ELMO1: variants seen among roughly 807,000 people sequenced by gnomAD.
The protein encoded by ELMO1 is engulfment and cell motility 1.
ELMO1 carries 26 observed loss-of-function variants against 98.9 expected under a neutral mutation model. That is an observed-to-expected ratio of 0.26 (90% CI 0.19 to 0.36). The LOEUF is 0.36. Among genes scored for constraint, ELMO1 ranks in the 10% least tolerant of loss-of-function variants. The pLI is 1.00. For synonymous variants in ELMO1, 346 were observed against 346.0 expected, an observed-to-expected ratio of 1.00 and a Z score of 0.00; for missense variants, 627 against 935.2, an observed-to-expected ratio of 0.67 and a Z score of 4.30.
intron 16 of ELMO1, among the ~76,000 whole-genome samples, chr7:36,920,451 T>G (rs1245156318): frequency 6.6e-6 from 1 of 152,206 alleles, no homozygotes; most frequent in Non-Finnish European, 1.5e-5. Context: ...TGCCACAATG[T>G]CCAAAACTAG....
chr7:37,404,629 C>T (rs1260372525), intron 1 of ELMO1, among the ~76,000 whole-genome samples: 1 of 152,170 alleles, frequency 6.6e-6, no homozygotes, highest in Non-Finnish European at 1.5e-5. Context: ...ACCCCATCTG[C>T]GAGGCCCAGA....
At chr7:36,879,934 G>A (rs1339776254) in intron 18 of ELMO1, among the ~76,000 whole-genome samples, 1 of 152,218 alleles carries the variant, frequency 6.6e-6, no homozygotes, top group Admixed American at 6.5e-5. Flanking sequence ...CATGAGGAGA[G>A]CAACCTTGGG....
At chr7:37,250,462 T>C (rs189267954) in intron 6 of ELMO1, among the ~76,000 whole-genome samples, 5 of 152,322 alleles carry the variant, frequency 3.3e-5, no homozygotes, top group African/African-American at 1.2e-4. Context: ...TATTTTTTCC[T>C]TCTGCTTTTT....
At chr7:36,888,239 A>G (rs1255319025) in intron 17 of ELMO1, among the ~76,000 whole-genome samples, 1 of 152,246 alleles carries the variant, frequency 6.6e-6, no homozygotes, top group African/African-American at 2.4e-5. Flanking sequence ...TAATGATGGG[A>G]AAAATGAAAG....
chr7:37,069,314 C>T (rs1032853685), intron 15 of ELMO1, among the ~76,000 whole-genome samples: 4 of 152,066 alleles, frequency 2.6e-5, no homozygotes, highest in African/African-American at 4.8e-5. Context: ...TAGATCTAAG[C>T]GATCTATTTA....
At chr7:36,899,192 T>C (rs1334561509) in intron 16 of ELMO1, among the ~76,000 whole-genome samples, 1 of 152,202 alleles carries the variant, frequency 6.6e-6, no homozygotes, top group Non-Finnish European at 1.5e-5. Context: ...ATGGCTTTGA[T>C]GGCTAAAATG....
intron 1 of ELMO1, among the ~76,000 whole-genome samples, chr7:37,424,211 C>T (rs1804611467): frequency 1.3e-5 from 2 of 152,214 alleles, no homozygotes; most frequent in Non-Finnish European, 2.9e-5. Flanking sequence ...AAGCCATATG[C>T]TTTGATCTTC....
chr7:37,057,972 CTAA>C (rs1474131413), intron 15 of ELMO1, among the ~76,000 whole-genome samples: 10 of 152,166 alleles, frequency 6.6e-5, no homozygotes. Context: ...GTTATTAACC[CTAA>C]AGAACTTGGC....
At chr7:37,418,888 G>A (rs1804348589) in intron 1 of ELMO1, among the ~76,000 whole-genome samples, 1 of 152,178 alleles carries the variant, frequency 6.6e-6, no homozygotes, top group African/African-American at 2.4e-5. Context: ...AGCTCTCAGG[G>A]TGCTGCAGAG....
chr7:36,903,899 G>C (rs1783772037), intron 16 of ELMO1, among the ~76,000 whole-genome samples: 1 of 152,188 alleles, frequency 6.6e-6, no homozygotes, highest in Non-Finnish European at 1.5e-5. Context: ...CTCTCACTGG[G>C]GACAGTCAGA....
At position 37,155,493 on chromosome 7, in the gene ELMO1, A is replaced by ATAAAAATAAAAAT. The variant is rs1303252280; in HGVS notation, c.1087-22260_1087-22259insATTTTTATTTTTA. Among the ~76,000 whole-genome samples the ATAAAAATAAAAAT allele has an allele frequency of 4.9e-5, 7 of 143,698 alleles. 1 individual carries two copies. 94.3% of individuals were successfully genotyped at this position (143,698 alleles called of 152,430 possible). ...GGAAGAAGCAAACGGAAAGCAAAAA[A>ATAAAAATAAAAAT]AAAAAAAAAAAAAAAGCAGGTGTTG... On this transcript the variant is annotated intron_variant, in intron 13 of 21. Coordinates refer to ENST00000310758, the MANE Select transcript of ELMO1 (RefSeq NM_014800.11).
At chr7:37,301,011 C>T (rs1002697910) in intron 4 of ELMO1, among the ~76,000 whole-genome samples, 3 of 151,616 alleles carry the variant, frequency 2.0e-5, no homozygotes, top group Admixed American at 6.6e-5. Flanking sequence ...GTGTATGTGT[C>T]GAGGAATTTA....
At chr7:37,239,100 T>C (rs1361130892) in intron 7 of ELMO1, among the ~76,000 whole-genome samples, 1 of 152,192 alleles carries the variant, frequency 6.6e-6, no homozygotes, top group African/African-American at 2.4e-5. Flanking sequence ...ATTTCTTCTA[T>C]AATATATAAT....
chr7:37,294,493 T>TAGA (rs1352105644), intron 4 of ELMO1, among the ~76,000 whole-genome samples: 7 of 152,098 alleles, frequency 4.6e-5, no homozygotes, highest in Non-Finnish European at 7.4e-5. Flanking sequence ...TGCAAGCTAG[T>TAGA]AGAACCACTT....
intron 20 of ELMO1, among the ~76,000 whole-genome samples, chr7:36,865,408 G>T (rs1238861077): frequency 1.3e-5 from 2 of 152,188 alleles, no homozygotes; most frequent in African/African-American, 4.8e-5. Context: ...ACTCATTCAT[G>T]TAGTACATAA....
At chr7:36,927,143 T>C (rs1336299464) in intron 16 of ELMO1, among the ~76,000 whole-genome samples, 1 of 152,198 alleles carries the variant, frequency 6.6e-6, no homozygotes, top group African/African-American at 2.4e-5. Context: ...TAGGAGTAGA[T>C]AACTATTATT....
intron 1 of ELMO1, among the ~76,000 whole-genome samples, chr7:37,367,881 C>T (rs766725337): frequency 1.3e-5 from 2 of 152,186 alleles, no homozygotes; most frequent in Non-Finnish European, 2.9e-5. Flanking sequence ...ATCTTTCCCT[C>T]CCCACTAATA....
At chr7:36,911,988 GTGATGAC>G (rs1317106308) in intron 16 of ELMO1, among the ~76,000 whole-genome samples, 1 of 152,208 alleles carries the variant, frequency 6.6e-6, no homozygotes, top group African/African-American at 2.4e-5. Context: ...GCAAACATGA[GTGATGAC>G]TGTTGGGTAA....
intron 6 of ELMO1, among the ~76,000 whole-genome samples, chr7:37,246,752 T>C (rs1795025399): frequency 6.6e-6 from 1 of 150,932 alleles, no homozygotes; most frequent in Non-Finnish European, 1.5e-5. Context: ...TTTGTTAAGA[T>C]GTAGGTAACT....
Sources: allele counts gnomAD v4.1 joint callset (sites outside exome capture counted in the v4.1 genomes callset), GRCh38; gene constraint gnomAD v4.1.1; transcripts MANE v1.5; gene names NCBI Gene and HGNC (gene_info 2026-07-23, HGNC 2026-07-21).